RPP30: variants seen among roughly 807,000 people sequenced by gnomAD.
RPP30 encodes ribonuclease P/MRP subunit p30, also known as ribonuclease P protein subunit p30.
RPP30 carries 36 observed loss-of-function variants against 38.6 expected under a neutral mutation model. That is an observed-to-expected ratio of 0.93 (90% CI 0.71 to 1.23). The LOEUF is 1.23. Ranked by LOEUF, RPP30 falls within the 50% of genes most tolerant of loss-of-function variation. The pLI is 0.00. For synonymous variants in RPP30, 126 were observed against 112.7 expected (o/e 1.12, Z -0.75); for missense variants, 321 against 321.7 (o/e 1.00, Z 0.02).
chr10:90,903,212 C>T, downstream of RPP30: 1 of 1,604,492 alleles, frequency 6.2e-7, no homozygotes, highest in African/African-American at 1.3e-5. Flanking sequence ...TCAACAAAGA[C>T]AACTTTTGAT....
downstream of RPP30, among the ~76,000 whole-genome samples, chr10:90,903,556 A>C (rs1451314926): frequency 1.3e-5 from 2 of 152,226 alleles, no homozygotes; most frequent in Non-Finnish European, 2.9e-5. Flanking sequence ...ATGTGTTTGC[A>C]GTTGTGCGTG....
intron 5 of RPP30, among the ~76,000 whole-genome samples, chr10:90,882,955 T>G (rs1278898743): frequency 6.6e-6 from 1 of 152,168 alleles, no homozygotes; most frequent in Non-Finnish European, 1.5e-5. Context: ...GGCTTTAGAA[T>G]TACCTGGGAT....
intron 6 of RPP30, among the ~76,000 whole-genome samples, chr10:90,887,877 C>A (rs1423162276): frequency 6.6e-6 from 1 of 152,176 alleles, no homozygotes; most frequent in East Asian, 1.9e-4. Context: ...TGAAAAACTA[C>A]AAGAAGTCAT....
chr10:90,897,114 G>C (rs1847148945), intron 10 of RPP30, among the ~76,000 whole-genome samples: 1 of 152,032 alleles, frequency 6.6e-6, no homozygotes, highest in Non-Finnish European at 1.5e-5. Context: ...TGAGTTTCCT[G>C]CTCATCAGAT....
intron 4 of RPP30, among the ~76,000 whole-genome samples, chr10:90,878,389 C>T (rs1261324754): frequency 6.6e-6 from 1 of 152,058 alleles, no homozygotes; most frequent in African/African-American, 2.4e-5. Flanking sequence ...CACTTTATTC[C>T]ATAATTCAGA....
intron 6 of RPP30, among the ~76,000 whole-genome samples, chr10:90,891,055 C>G (rs923982201): frequency 6.6e-6 from 1 of 152,180 alleles, no homozygotes; most frequent in African/African-American, 2.4e-5. Flanking sequence ...AGTCCCTATG[C>G]GGAGAGTGGG....
Position 90,872,038 on chromosome 10 carries a change from C to T in RPP30, c.52C>T (p.Leu18=), listed in dbSNP as rs1337222387. 6.2e-7 allele frequency: 1 copy of T among 1,614,190 alleles called. No individual in the cohort carries two copies. Among genetic ancestry groups the T allele is most frequent in the Non-Finnish European group, 8.5e-7 (1 of 1,180,024 alleles). Residue 18 remains leucine (L), a synonymous_variant, in exon 1 of 11, where the codon CTG becomes TTG. Coordinates refer to ENST00000371703, the MANE Select transcript of RPP30 (RefSeq NM_006413.5). ...GCGAGCGGGTTCTGACCTGAAGGCT[C>T]TGCGCGGACTTGTGGAGACAGCCGC... ...DLRAGSDLKA[L]RGLVETAAHL...
intron 7 of RPP30, 23 bp from the exon 8 acceptor site, chr10:90,895,431 A>G (rs954735583): frequency 1.6e-6 from 2 of 1,275,980 alleles, no homozygotes; most frequent in Admixed American, 2.7e-5. Context: ...TAAGATTAAT[A>G]TTAGTCACTT....
chr10:90,875,577 C>A lies in RPP30; in HGVS notation c.158C>A (p.Ala53Asp), dbSNP rs1299330240. Residue 53 changes from alanine to aspartate, a missense_variant, in exon 3 of 11, where the codon GCT becomes GAT. By Grantham distance (126) the Ala-to-Asp change is moderately radical. Coordinates refer to ENST00000371703, the MANE Select transcript of RPP30 (RefSeq NM_006413.5). ...TTGTAGGAAATTGAAAAACCAGTAGCTGTTTCTGAACTCTTCACAACTTTG... is the reference window on the plus strand; with the variant it reads ...TTGTAGGAAATTGAAAAACCAGTAGATGTTTCTGAACTCTTCACAACTTTG... The part of the protein sequence containing the change: ...EKKQEIEKPV[A>D]VSELFTTLPI... 1.2e-6 allele frequency: 2 copies of A among 1,613,414 alleles called. No individual in the cohort carries two copies. The highest frequency in any genetic ancestry group is 8.5e-7 in the Non-Finnish European group (1 of 1,179,532).
intron 10 of RPP30, among the ~76,000 whole-genome samples, chr10:90,899,085 A>G (rs768663747): frequency 5.9e-5 from 9 of 152,268 alleles, no homozygotes; most frequent in Non-Finnish European, 8.8e-5. Context: ...AAAAGACACT[A>G]AAGAAATTAA....
intron 10 of RPP30, 30 bp from the exon 11 acceptor site, chr10:90,900,540 A>G (rs372251931): frequency 1.9e-6 from 3 of 1,592,982 alleles, no homozygotes; most frequent in East Asian, 2.2e-5. Flanking sequence ...CTTAACTTCA[A>G]GCACAGTGGT....
rs773901416 is a variant in RPP30 at position 90,879,084 on chromosome 10, CGG to C, written c.293_294del (p.Arg98ProfsTer3). The C allele has an allele frequency of 6.2e-7, 1 of 1,613,908 alleles. No individual in the cohort carries two copies. The highest frequency in any genetic ancestry group is 8.5e-7 in the Non-Finnish European group (1 of 1,179,914). ...CTAGAGAGCAACTTCTTCAAGGGCC[CGG>C]CTCTATGATGTTGTTGCAGTTTTTC... ...NVLRATSSRA[R>X]LYDVVAVFPK... On this transcript the variant is annotated frameshift_variant, in exon 5 of 11. Transcript: ENST00000371703. LOFTEE classifies it high-confidence loss of function.
rs991727499 is a variant in RPP30 at position 90,872,010 on chromosome 10, C to G, written c.24C>G (p.Asp8Glu). 1.2e-6 allele frequency: 2 copies of G among 1,614,092 alleles called. No homozygotes were observed. Residue 8 changes from aspartate (D) to glutamate (E), a missense_variant, in exon 1 of 11, where the codon GAC (aspartate) becomes GAG (glutamate). Physicochemically the swap from Asp to Glu is conservative, Grantham distance 45. Transcript: ENST00000371703. ...GCATGGCGGTGTTTGCAGATTTGGA[C>G]CTGCGAGCGGGTTCTGACCTGAAGG... is the stretch of plus-strand genomic sequence containing the variant. MAVFADL[D>E]LRAGSDLKAL...
chr10:90,875,532 C>T, intron 2 of RPP30, 26 bp from the exon 3 acceptor site: 1 of 1,594,442 alleles, frequency 6.3e-7, no homozygotes, highest in Non-Finnish European at 8.6e-7. Flanking sequence ...ATACAATCTG[C>T]AGTAACTATT....
At chr10:90,873,311 T>G (rs1330314118) in intron 1 of RPP30, among the ~76,000 whole-genome samples, 3 of 152,228 alleles carry the variant, frequency 2.0e-5, no homozygotes, top group African/African-American at 7.2e-5. Flanking sequence ...TGTGGTAATA[T>G]ATGTACATTG....
intron 10 of RPP30, among the ~76,000 whole-genome samples, chr10:90,897,451 C>T (rs924120813): frequency 6.6e-6 from 1 of 152,316 alleles, no homozygotes; most frequent in Admixed American, 6.5e-5. Context: ...TTAGTTTCAA[C>T]ATTTTTAGTT....
At position 90,881,690 on chromosome 10, in the gene RPP30, A is replaced by G. The variant is rs375055964; in HGVS notation, c.342+2556A>G. Among the ~76,000 whole-genome samples the G allele has an allele frequency of 9.9e-5, 15 of 152,186 alleles. No individual in the cohort carries two copies. The East Asian group carries it at 2.9e-3, about 29-fold the overall frequency. On this transcript the variant is annotated intron_variant, in intron 5 of 10. Coordinates refer to ENST00000371703, the MANE Select transcript of RPP30 (RefSeq NM_006413.5). ...GACATCTTTCTTTTAAAGCTTTTAT[A>G]GGTATATCATGGTTTGGAATCAGGT... is the stretch of plus-strand genomic sequence containing the variant.
At chr10:90,907,777 T>A (rs1847269180), downstream of RPP30, among the ~76,000 whole-genome samples, 1 of 152,220 alleles carries the variant, frequency 6.6e-6, no homozygotes, top group South Asian at 2.1e-4. Flanking sequence ...GAAGTCTTTA[T>A]AGAAGCCTCA....
At position 90,885,850 on chromosome 10, in the gene RPP30, A is replaced by G. The variant is rs1048418628; in HGVS notation, c.381A>G (p.Ile127Met). 14 of 1,611,666 alleles carry G rather than the reference A, an allele frequency of 8.7e-6. No homozygotes were observed. Among genetic ancestry groups the G allele is most frequent in the Non-Finnish European group, 1.2e-5 (14 of 1,179,040 alleles). ...ATTTAGATGTGGATTTAGTCTGCAT[A>G]ACTGTAACAGAGAAACTACCATTTT... ...CTHLDVDLVC[I>M]TVTEKLPFYF... Residue 127 changes from isoleucine (I) to methionine (M), a missense_variant, in exon 6 of 11, where the codon ATA (isoleucine) becomes ATG (methionine). Coordinates refer to ENST00000371703, the MANE Select transcript of RPP30 (RefSeq NM_006413.5).
Sources: gnomAD v4.1 joint callset for allele counts (sites outside exome capture counted in the v4.1 genomes callset) on GRCh38, gnomAD v4.1.1 for gene constraint, MANE v1.5 for transcripts, NCBI Gene and HGNC (gene_info 2026-07-23, HGNC 2026-07-21) for gene names.